The following RNF180 variants were observed in gnomAD, a reference collection of about 807,000 sequenced individuals.
RNF180 encodes ring finger protein 180.
In RNF180, 38 loss-of-function variants were observed where a neutral mutation model predicts 59.2. That is an observed-to-expected ratio of 0.64 (90% CI 0.50 to 0.84). The LOEUF is 0.84. RNF180 is among the 40% of genes least tolerant of loss of function. RNF180 has a pLI of 0.00. For synonymous variants in RNF180, 262 were observed against 240.3 expected (o/e 1.09, Z -0.84); for missense variants, 705 against 700.9 (o/e 1.01, Z -0.07).
At chr5:64,235,642 C>G (rs1742391037) in intron 5 of RNF180, among the ~76,000 whole-genome samples, 1 of 151,862 alleles carries the variant, frequency 6.6e-6, no homozygotes, top group African/African-American at 2.4e-5. Flanking sequence ...GAATTTCTAT[C>G]TAAATTCCAA....
chr5:64,347,599 T>C (rs552466915), intron 7 of RNF180, among the ~76,000 whole-genome samples: 19 of 152,252 alleles, frequency 1.2e-4, no homozygotes, highest in Non-Finnish European at 2.1e-4. Flanking sequence ...GTAGGACATA[T>C]TTATTATGAC....
intron 5 of RNF180, among the ~76,000 whole-genome samples, chr5:64,264,538 T>G (rs957427961): frequency 6.6e-6 from 1 of 152,174 alleles, no homozygotes. Context: ...GCTTCATCCA[T>G]GTCCCTGCAA....
chr5:64,207,888 C>T (rs1326925806), intron 2 of RNF180, among the ~76,000 whole-genome samples: 2 of 152,008 alleles, frequency 1.3e-5, no homozygotes, highest in East Asian at 1.9e-4. Flanking sequence ...GTGTTAGCTG[C>T]GGTAGTCAAA....
At chr5:64,357,441 A>G (rs1746073498) in intron 7 of RNF180, among the ~76,000 whole-genome samples, 1 of 151,818 alleles carries the variant, frequency 6.6e-6, no homozygotes. Flanking sequence ...CTCCTTTTTA[A>G]TACTAATTTC....
intron 5 of RNF180, among the ~76,000 whole-genome samples, chr5:64,313,733 G>A (rs1341545849): frequency 6.6e-6 from 1 of 152,100 alleles, no homozygotes; most frequent in Non-Finnish European, 1.5e-5. Flanking sequence ...TCACCAAACT[G>A]CTTTCCACAG....
At chr5:64,180,610 G>A (rs879868026) in intron 1 of RNF180, among the ~76,000 whole-genome samples, 2 of 152,168 alleles carry the variant, frequency 1.3e-5, no homozygotes, top group Non-Finnish European at 2.9e-5. Context: ...AGAAGCATAT[G>A]GTCTTAGGTT....
chr5:64,307,220 A>G (rs1471904862), intron 5 of RNF180, among the ~76,000 whole-genome samples: 1 of 150,520 alleles, frequency 6.6e-6, no homozygotes, highest in Non-Finnish European at 1.5e-5. Context: ...ACAATACTCT[A>G]AATATATTGG....
At chr5:64,166,551 G>A (rs1420419603) in intron 1 of RNF180, among the ~76,000 whole-genome samples, 1 of 152,166 alleles carries the variant, frequency 6.6e-6, no homozygotes, top group Non-Finnish European at 1.5e-5. Flanking sequence ...TGGGGAGATG[G>A]TCCTTTGGTG....
At chr5:64,302,585 A>C (rs190645148) in intron 5 of RNF180, among the ~76,000 whole-genome samples, 157 of 151,738 alleles carry the variant, frequency 1.0e-3, no homozygotes, top group African/African-American at 3.6e-3. Context: ...CCATGCAAGA[A>C]GCTGTCATGG....
intron 5 of RNF180, among the ~76,000 whole-genome samples, chr5:64,267,865 C>T (rs1429536063): frequency 6.6e-6 from 1 of 152,014 alleles, no homozygotes; most frequent in Non-Finnish European, 1.5e-5. Context: ...CTGGAAGTAT[C>T]TTTAATTTCT....
intron 5 of RNF180, among the ~76,000 whole-genome samples, chr5:64,312,968 A>AT (rs936180948): frequency 2.6e-5 from 4 of 152,116 alleles, no homozygotes; most frequent in Non-Finnish European, 5.9e-5. Flanking sequence ...TTTGAAGTAA[A>AT]TTCAGGTTGA....
chr5:64,331,196 A>G (rs1580265585), intron 7 of RNF180, among the ~76,000 whole-genome samples: 1 of 152,200 alleles, frequency 6.6e-6, no homozygotes, highest in African/African-American at 2.4e-5. Context: ...CGCAACCTGC[A>G]TACACCGCTT....
chr5:64,271,199 TTAAA>T (rs1741376179), intron 5 of RNF180, among the ~76,000 whole-genome samples: 1 of 152,076 alleles, frequency 6.6e-6, no homozygotes, highest in African/African-American at 2.4e-5. Flanking sequence ...GATTATTGCA[TTAAA>T]TAAAAATCAC....
intron 5 of RNF180, among the ~76,000 whole-genome samples, chr5:64,300,366 A>G (rs1337747380): frequency 6.6e-6 from 1 of 151,752 alleles, no homozygotes; most frequent in African/African-American, 2.4e-5. Flanking sequence ...TAGACATTTC[A>G]GTTTTATTGT....
intron 7 of RNF180, among the ~76,000 whole-genome samples, chr5:64,349,972 A>G (rs1198822391): frequency 1.3e-5 from 2 of 151,594 alleles, no homozygotes; most frequent in African/African-American, 4.8e-5. Context: ...CTAATTCTAG[A>G]TCCTTGAGGA....
chr5:64,338,399 C>A (rs1745220045), intron 7 of RNF180, among the ~76,000 whole-genome samples: 1 of 152,094 alleles, frequency 6.6e-6, no homozygotes, highest in African/African-American at 2.4e-5. Context: ...CTTTGGGAGG[C>A]CGAGGCAGGC....
chr5:64,234,739 A>G (rs547633031), intron 5 of RNF180, among the ~76,000 whole-genome samples: 1 of 150,694 alleles, frequency 6.6e-6, no homozygotes, highest in East Asian at 2.0e-4. Flanking sequence ...AGCTGGGACT[A>G]CAGGCGCCCG....
intron 7 of RNF180, among the ~76,000 whole-genome samples, chr5:64,339,122 T>C (rs1221861800): frequency 6.6e-6 from 1 of 152,108 alleles, no homozygotes; most frequent in Non-Finnish European, 1.5e-5. Flanking sequence ...ATTCTGATTA[T>C]CTACTCATTT....
chr5:64,236,190 T>G (rs889963518), intron 5 of RNF180, among the ~76,000 whole-genome samples: 1 of 152,166 alleles, frequency 6.6e-6, no homozygotes, highest in Non-Finnish European at 1.5e-5. Context: ...ATATGGACAG[T>G]GAAGTCTAGG....
Sources: gnomAD v4.1 joint callset for allele counts (sites outside exome capture counted in the v4.1 genomes callset) on GRCh38, gnomAD v4.1.1 for gene constraint, MANE v1.5 for transcripts, NCBI Gene and HGNC (gene_info 2026-07-23, HGNC 2026-07-21) for gene names.